The following CARMIL2 variants were observed in gnomAD, a reference collection of about 807,000 sequenced individuals.
CARMIL2 encodes capping protein, Arp2/3 and myosin-I linker protein 2.
In CARMIL2, 96 loss-of-function variants were observed where a neutral mutation model predicts 173.3. The ratio of observed to expected loss-of-function variants is 0.55; its 90% confidence interval spans 0.47 to 0.66. The LOEUF (loss-of-function observed/expected upper bound fraction) is 0.66, where lower values mean the gene tolerates loss of function less well. Ranked by LOEUF, CARMIL2 falls within the 30% of genes least tolerant of loss-of-function variation. CARMIL2 has a pLI of 0.00. For synonymous variants in CARMIL2, 830 were observed against 817.1 expected (o/e 1.02, Z -0.27); for missense variants, 1,771 against 1,906.7 (o/e 0.93, Z 1.33).
Position 67,657,125 on chromosome 16 carries a change from G to A in CARMIL2, c.4118-114G>A. The A allele has an allele frequency of 1.0e-6, 1 of 979,682 alleles. No homozygotes were observed. The highest frequency in any genetic ancestry group is 1.6e-6 in the Non-Finnish European group (1 of 639,176). The allele number at this position is 979,682 out of a possible 1,614,324, so 60.7% of individuals were successfully genotyped here. ...ACGCAGGGACGGGGGATGCTCTGAA[G>A]GCAGCAGTGTGTGTGAGTGCATGCT... is the stretch of plus-strand genomic sequence containing the variant. On this transcript the variant is annotated intron_variant, in intron 36 of 37. Transcript: ENST00000334583. The surrounding 1 kb of genome is among the most constrained non-coding windows in gnomAD (Gnocchi z 4.5).
rs1425194471 is a variant in CARMIL2 at position 67,651,760 on chromosome 16, C to A, written c.2503C>A (p.Gln835Lys). Residue 835 changes from glutamine to lysine, a missense_variant, in exon 25 of 38, where the codon CAG (glutamine) becomes AAG (lysine). Gln to Lys is a moderately conservative substitution (Grantham distance 53). This residue lies in a region of CARMIL2 where 817 missense variants were observed against 903.5 expected (regional missense o/e 0.90). Transcript: ENST00000334583. The surrounding 1 kb of genome is among the most constrained non-coding windows in gnomAD (Gnocchi z 4.2). Reference protein sequence around the residue: ...QMLQGSSWREQLEGVLAGSRG... With the variant: ...QMLQGSSWREKLEGVLAGSRG... ...GCTGCAGGGATCCAGCTGGAGGGAG[C>A]AGCTAGAGGGGGTCCTGGCAGGCTC... 6.2e-6 allele frequency: 10 copies of A among 1,606,184 alleles called. No homozygotes were observed. In the East Asian group the frequency reaches 1.8e-4, roughly 29 times the overall value.
rs371435838 is a variant in CARMIL2 at position 67,648,740 on chromosome 16, C to T, written c.1495C>T (p.Leu499Phe). 4 of 1,606,086 alleles carry T rather than the reference C, an allele frequency of 2.5e-6. No individual in the cohort carries two copies. Among genetic ancestry groups the T allele is most frequent in the African/African-American group, 2.7e-5 (2 of 74,754 alleles). Residue 499 changes from leucine (L) to phenylalanine (F), a missense_variant, in exon 16 of 38, where the codon CTC becomes TTC. This residue lies in a region of CARMIL2 where 944 missense variants were observed against 975.6 expected (regional missense o/e 0.97). Transcript: ENST00000334583. The surrounding 1 kb of genome is among the most constrained non-coding windows in gnomAD (Gnocchi z 6.1). ...NTHLRDLHLD[L>F]SACELRSAGA... is the part of the protein sequence containing the mutation. ...GCACCTCCGCGACCTGCACCTGGAC[C>T]TCAGCGCTTGCGAGGTGAGCGCCGG...
In CARMIL2 at chr16:67,648,126, C is replaced by T; in HGVS notation, c.1146C>T (p.Asp382=). ...LNLAGTDTAL[D]TVRGCSVGGW... ...TCGCAGGCACCGACACTGCCCTGGA[C>T]ACTGTGAGGGGGTGCTCCGTGGGGG... Residue 382 remains aspartate (D), a synonymous_variant, in exon 14 of 38, where the codon GAC becomes GAT. Transcript: ENST00000334583. This position sits in a 1 kb window ranked among gnomAD's most constrained non-coding sequence, Gnocchi z 6.1. The T allele has an allele frequency of 6.2e-7, 1 of 1,612,918 alleles. No homozygotes were observed. Among genetic ancestry groups the T allele is most frequent in the African/African-American group, 1.3e-5 (1 of 74,934 alleles).
At position 67,646,483 on chromosome 16, in the gene CARMIL2, C is replaced by A. The variant is rs773097956; in HGVS notation, c.432C>A (p.Ser144Arg). The A allele has an allele frequency of 6.2e-7, 1 of 1,613,448 alleles. No individual in the cohort carries two copies. Among genetic ancestry groups the A allele is most frequent in the Admixed American group, 1.7e-5 (1 of 59,992 alleles). ...TGCTGGCTCGGCTGGAGAGAAGCAGCCCCTCGGAGTCCACTGACCCCTGCA... is the reference window on the plus strand; with the variant it reads ...TGCTGGCTCGGCTGGAGAGAAGCAGACCCTCGGAGTCCACTGACCCCTGCA... ...ASMLARLERS[S>R]PSESTDPCSP... Residue 144 changes from serine (S) to arginine (R), a missense_variant, in exon 6 of 38, where the codon AGC becomes AGA. By Grantham distance (110) the Ser-to-Arg change is moderately radical. Coordinates refer to ENST00000334583, the MANE Select transcript of CARMIL2 (RefSeq NM_001013838.3). The surrounding 1 kb of genome is among the most constrained non-coding windows in gnomAD (Gnocchi z 4.6).
intron 9 of CARMIL2, 43 bp from the exon 10 acceptor site, chr16:67,647,256 G>A (rs1267556670): frequency 1.2e-6 from 2 of 1,611,218 alleles, no homozygotes; most frequent in Admixed American, 1.7e-5. Flanking sequence ...AGCCCGCTGA[G>A]GGCCAGGGTG....
At position 67,645,189 on chromosome 16, in the gene CARMIL2, G is replaced by A. The variant is rs1237297043; in HGVS notation, c.-58G>A. The A allele has an allele frequency of 1.3e-5, 18 of 1,425,816 alleles. No homozygotes were observed. Among genetic ancestry groups the A allele is most frequent in the Admixed American group, 2.0e-5 (1 of 50,618 alleles). 88.3% of individuals were successfully genotyped at this position (1,425,816 alleles called of 1,614,324 possible). On this transcript the variant is annotated 5_prime_UTR_variant, in exon 1 of 38. Coordinates refer to ENST00000334583, the MANE Select transcript of CARMIL2 (RefSeq NM_001013838.3). ...TGGGCCCCAGGCTTCCTGTGTGCGC[G>A]CTCGTCCTCTGCTGTTTCCCGCCGG...
In CARMIL2 at chr16:67,647,827, G is replaced by T; in HGVS notation, c.959-19G>T. The T allele has an allele frequency of 6.3e-7, 1 of 1,595,970 alleles. No homozygotes were observed. The highest frequency in any genetic ancestry group is 8.5e-7 in the Non-Finnish European group (1 of 1,172,466). On this transcript the variant is annotated intron_variant, in intron 12 of 37. Transcript: ENST00000334583. Reference sequence around the variant, plus strand: ...GTGGGGGTCTGTCCAACTGCTGAGTGACCCCGACCCACCACCAGGAATGAG... The same window carrying T: ...GTGGGGGTCTGTCCAACTGCTGAGTTACCCCGACCCACCACCAGGAATGAG...
In CARMIL2 at chr16:67,654,844, C is replaced by T; in HGVS notation, c.3649C>T (p.Leu1217=). ...PSFEQRVQVM[L]QRIGVSRGSG... is the part of the protein sequence containing the mutation. Reference sequence around the variant, plus strand: ...CTTTGAACAGCGGGTACAAGTAATGCTGCAGAGGATAGGCGTCAGCCGAGG... The same window carrying T: ...CTTTGAACAGCGGGTACAAGTAATGTTGCAGAGGATAGGCGTCAGCCGAGG... The change falls in exon 32 of 38, where the codon CTG becomes TTG. Residue 1217 remains leucine, a synonymous_variant. Transcript: ENST00000334583. The T allele has an allele frequency of 6.2e-7, 1 of 1,613,684 alleles. No individual in the cohort carries two copies. Among genetic ancestry groups the T allele is most frequent in the Non-Finnish European group, 8.5e-7 (1 of 1,179,874 alleles).
chr16:67,649,942 G>T lies in CARMIL2; in HGVS notation c.2056G>T (p.Glu686Ter). The change falls in exon 21 of 38, where the codon GAA becomes TAA. Residue 686 changes from glutamate to a stop codon, truncating the protein, a stop_gained. Coordinates refer to ENST00000334583, the MANE Select transcript of CARMIL2 (RefSeq NM_001013838.3). LOFTEE classifies it high-confidence loss of function. This position sits in a 1 kb window ranked among gnomAD's most constrained non-coding sequence, Gnocchi z 6.7. ...DVAQAQRSRP[E>*]LTARAVHQIQ... is the part of the protein sequence containing the mutation. ...GGCCCAGGCGCAGCGCAGCCGCCCGGAACTGACAGCACGTGCAGTCCATCA... is the reference window on the plus strand; with the variant it reads ...GGCCCAGGCGCAGCGCAGCCGCCCGTAACTGACAGCACGTGCAGTCCATCA... 6.2e-7 allele frequency: 1 copy of T among 1,613,274 alleles called. No individual in the cohort carries two copies. The highest frequency in any genetic ancestry group is 8.5e-7 in the Non-Finnish European group (1 of 1,179,804).
chr16:67,649,354 C>A lies in CARMIL2; in HGVS notation c.1746+43C>A. On this transcript the variant is annotated intron_variant, in intron 19 of 37. Transcript: ENST00000334583. The surrounding 1 kb of genome is among the most constrained non-coding windows in gnomAD (Gnocchi z 6.7). ...TGCAGGGCCTCGGGCAATTAGACCA[C>A]TTTGGTCCTCCTTTCTCTTGTTCCC... 1 of 1,609,422 alleles carries A rather than the reference C, an allele frequency of 6.2e-7. No individual in the cohort carries two copies. Among genetic ancestry groups the A allele is most frequent in the South Asian group, 1.1e-5 (1 of 91,046 alleles).
chr16:67,653,051 C>T lies in CARMIL2; in HGVS notation c.2917C>T (p.Leu973=). 7.9e-7 allele frequency: 1 copy of T among 1,271,248 alleles called. No homozygotes were observed. The allele number at this position is 1,271,248 out of a possible 1,614,324, so 78.7% of individuals were successfully genotyped here. A position where few individuals can be genotyped will look rare whatever the true frequency, so the allele number is the denominator to read the frequency against. ...AAEEAEPEPE[L]AAPGEDAEPQ... The stretch of plus-strand genomic sequence containing the variant: ...TGAGGAAGCGGAGCCGGAGCCCGAG[C>T]TGGCGGCTCCGGGAGAAGATGCAGA... The change falls in exon 29 of 38, where the codon CTG becomes TTG. Residue 973 remains leucine, a synonymous_variant. Coordinates refer to ENST00000334583, the MANE Select transcript of CARMIL2 (RefSeq NM_001013838.3). This position sits in a 1 kb window ranked among gnomAD's most constrained non-coding sequence, Gnocchi z 7.4.
chr16:67,651,165 A>G lies in CARMIL2; in HGVS notation c.2185-22A>G. The stretch of plus-strand genomic sequence containing the variant: ...GAGACTGGGAGGGGGCTAGGCTGAG[A>G]CTGATCCCCATTTCGCCCCAGGAAG... On this transcript the variant is annotated intron_variant, in intron 22 of 37. Transcript: ENST00000334583. This position sits in a 1 kb window ranked among gnomAD's most constrained non-coding sequence, Gnocchi z 4.2. The G allele has an allele frequency of 1.2e-6, 2 of 1,609,352 alleles. No individual in the cohort carries two copies. The highest frequency in any genetic ancestry group is 1.7e-6 in the Non-Finnish European group (2 of 1,178,030).
At position 67,651,774 on chromosome 16, in the gene CARMIL2, C is replaced by T. The variant is rs780859976; in HGVS notation, c.2517C>T (p.Val839=). 5.6e-6 allele frequency: 9 copies of T among 1,607,138 alleles called. No individual in the cohort carries two copies. In the South Asian group the frequency reaches 9.9e-5, roughly 18 times the overall value. ...GCTGGAGGGAGCAGCTAGAGGGGGT[C>T]CTGGCAGGCTCGAGGGGCCTCCCGG... The part of the protein sequence containing the change: ...GSSWREQLEG[V]LAGSRGLPEL... The change falls in exon 25 of 38, where the codon GTC becomes GTT. Residue 839 remains valine (V), a synonymous_variant. Coordinates refer to ENST00000334583, the MANE Select transcript of CARMIL2 (RefSeq NM_001013838.3). The surrounding 1 kb of genome is among the most constrained non-coding windows in gnomAD (Gnocchi z 4.2).
Position 67,653,072 on chromosome 16 carries a change from G to A in CARMIL2, c.2938G>A (p.Ala980Thr). Residue 980 changes from alanine (A) to threonine (T), a missense_variant, in exon 29 of 38, where the codon GCA becomes ACA. Ala to Thr is a moderately conservative substitution (Grantham distance 58). This residue lies in a region of CARMIL2 where 817 missense variants were observed against 903.5 expected (regional missense o/e 0.90). Coordinates refer to ENST00000334583, the MANE Select transcript of CARMIL2 (RefSeq NM_001013838.3). This position sits in a 1 kb window ranked among gnomAD's most constrained non-coding sequence, Gnocchi z 7.4. ...CGAGCTGGCGGCTCCGGGAGAAGATGCAGAGCCGCAGGCGGGGCCGTCCGC... is the reference window on the plus strand; with the variant it reads ...CGAGCTGGCGGCTCCGGGAGAAGATACAGAGCCGCAGGCGGGGCCGTCCGC... ...EPELAAPGED[A>T]EPQAGPSARG... 1 of 1,250,380 alleles carries A rather than the reference G, an allele frequency of 8.0e-7. No individual in the cohort carries two copies. Among genetic ancestry groups the A allele is most frequent in the Non-Finnish European group, 1.0e-6 (1 of 987,706 alleles). The allele number at this position is 1,250,380 out of a possible 1,614,324, so 77.5% of individuals were successfully genotyped here.
At position 67,646,276 on chromosome 16, in the gene CARMIL2, G is replaced by A. The variant is rs2052591670; in HGVS notation, c.340G>A (p.Ala114Thr). The A allele has an allele frequency of 6.2e-7, 1 of 1,613,750 alleles. No homozygotes were observed. Among genetic ancestry groups the A allele is most frequent in the East Asian group, 2.2e-5 (1 of 44,882 alleles). ...LEQLAQHVAA[A>T]IKKVFPRSTL... ...ACAGCTGGCCCAGCACGTGGCTGCA[G>A]CCATCAAGAAGGTCTTCCCTCGCTC... is the stretch of plus-strand genomic sequence containing the variant. The change falls in exon 5 of 38, where the codon GCC becomes ACC. Residue 114 changes from alanine to threonine, a missense_variant. By Grantham distance (58) the Ala-to-Thr change is moderately conservative (BLOSUM62 0). Coordinates refer to ENST00000334583, the MANE Select transcript of CARMIL2 (RefSeq NM_001013838.3). The surrounding 1 kb of genome is among the most constrained non-coding windows in gnomAD (Gnocchi z 4.6).
At position 67,654,760 on chromosome 16, in the gene CARMIL2, G is replaced by A. The variant is rs966346318; in HGVS notation, c.3583-18G>A. ...CCAGGGCGCGGACTGTCTCCAACTCGAGCATCTCTGTCCCTAGCGGCGGCC... is the reference window on the plus strand; with the variant it reads ...CCAGGGCGCGGACTGTCTCCAACTCAAGCATCTCTGTCCCTAGCGGCGGCC... On this transcript the variant is annotated intron_variant, in intron 31 of 37. Coordinates refer to ENST00000334583, the MANE Select transcript of CARMIL2 (RefSeq NM_001013838.3). 1.9e-6 allele frequency: 3 copies of A among 1,612,860 alleles called. No homozygotes were observed. Among genetic ancestry groups the A allele is most frequent in the Non-Finnish European group, 1.7e-6 (2 of 1,179,646 alleles).
At position 67,649,926 on chromosome 16, in the gene CARMIL2, G is replaced by A. The variant is rs555763719; in HGVS notation, c.2040G>A (p.Ala680=). Residue 680 remains alanine, a synonymous_variant, in exon 21 of 38, where the codon GCG becomes GCA. Coordinates refer to ENST00000334583, the MANE Select transcript of CARMIL2 (RefSeq NM_001013838.3). The surrounding 1 kb of genome is among the most constrained non-coding windows in gnomAD (Gnocchi z 6.7). The part of the protein sequence containing the change: ...MPLPLNDVAQ[A]QRSRPELTAR... ...TGCCACTGAACGACGTGGCCCAGGC[G>A]CAGCGCAGCCGCCCGGAACTGACAG... 9.9e-6 allele frequency: 16 copies of A among 1,613,074 alleles called. No individual in the cohort carries two copies. The highest frequency in any genetic ancestry group is 6.7e-5 in the African/African-American group (5 of 74,934).
chr16:67,654,993 A>AG, intron 32 of CARMIL2, 93 bp downstream of exon 32: 1 of 1,491,708 alleles, frequency 6.7e-7, no homozygotes, highest in Non-Finnish European at 9.2e-7. Context: ...CATGACAGAT[A>AG]GGTCTAATTG....
In CARMIL2 at chr16:67,647,975, AG is replaced by A. The variant is rs1422127966; in HGVS notation, c.1071+20del. The A allele has an allele frequency of 6.2e-7, 1 of 1,604,482 alleles. No homozygotes were observed. Among genetic ancestry groups the A allele is most frequent in the Admixed American group, 1.7e-5 (1 of 59,218 alleles). On this transcript the variant is annotated intron_variant, in intron 13 of 37. Coordinates refer to ENST00000334583, the MANE Select transcript of CARMIL2 (RefSeq NM_001013838.3). ...GACAGTGGGGTGAGTGGCTGTCTTC[AG>A]GGTGGGAGCTTGGGGTTGCTCATAA...
Sources: gnomAD v4.1 joint callset for allele counts on GRCh38, gnomAD v4.1.1 for gene constraint, gnomAD v4.1.1 regional missense constraint, Gnocchi (gnomAD v3.1) non-coding constraint, MANE v1.5 for transcripts, NCBI Gene and HGNC (gene_info 2026-07-23, HGNC 2026-07-21) for gene names.